The following TSHZ2 variants were observed in gnomAD, a reference collection of about 807,000 sequenced individuals.
The protein encoded by TSHZ2 is teashirt homolog 2.
In TSHZ2, 21 loss-of-function variants were observed where a neutral mutation model predicts 74.4. The ratio of observed to expected loss-of-function variants is 0.28; its 90% CI spans 0.20 to 0.41. The LOEUF is 0.41. Ranked by LOEUF, TSHZ2 falls within the 10% of genes least tolerant of loss-of-function variation. The probability of loss-of-function intolerance (pLI) is 1.00; values close to 1 mark genes in which losing one functional copy is unlikely to be tolerated. For missense variants in TSHZ2, 1,244 were observed against 1,293.5 expected, an observed-to-expected ratio of 0.96 and a Z score of 0.59; for synonymous variants, 540 against 515.3, an observed-to-expected ratio of 1.05 and a Z score of -0.65.
chr20:53,077,286 G>A (rs990104589), intron 1 of TSHZ2, among the ~76,000 whole-genome samples: 1 of 151,508 alleles, frequency 6.6e-6, no homozygotes, highest in African/African-American at 2.4e-5. Flanking sequence ...TGGCGTGTGC[G>A]TGTAATCCCA....
chr20:53,255,135 T>G lies in TSHZ2; in HGVS notation c.1677T>G (p.Pro559=). ...QLSEGTKPPL[P]MGSQVLQIRP... ...CTGAGGGCACCAAGCCGCCTTTGCC[T>G]ATGGGATCCCAGGTACTGCAGATCC... Residue 559 remains proline (P), a synonymous_variant, in exon 2 of 3, where the codon CCT becomes CCG. Transcript: ENST00000371497. This position sits in a 1 kb window ranked among gnomAD's most constrained non-coding sequence, Gnocchi z 4.1. 2.5e-6 allele frequency: 4 copies of G among 1,614,154 alleles called. No homozygotes were observed. Among genetic ancestry groups the G allele is most frequent in the Non-Finnish European group, 3.4e-6 (4 of 1,180,026 alleles).
intron 1 of TSHZ2, among the ~76,000 whole-genome samples, chr20:53,145,977 A>G (rs1266742044): frequency 6.6e-6 from 1 of 152,226 alleles, no homozygotes; most frequent in Non-Finnish European, 1.5e-5. Flanking sequence ...TTGGCTCACA[A>G]TACTAAAACG....
At chr20:53,146,835 C>G (rs987297850) in intron 1 of TSHZ2, among the ~76,000 whole-genome samples, 1 of 152,034 alleles carries the variant, frequency 6.6e-6, no homozygotes, top group Non-Finnish European at 1.5e-5. Context: ...GGTAGAGGAG[C>G]GAGGCGGGCG....
intron 2 of TSHZ2, among the ~76,000 whole-genome samples, chr20:53,390,992 A>G (rs1173496785): frequency 6.6e-6 from 1 of 152,234 alleles, no homozygotes; most frequent in African/African-American, 2.4e-5. Flanking sequence ...AGCCATAGAT[A>G]ATATATAAAC....
At chr20:52,988,503 T>C (rs1981857403) in intron 1 of TSHZ2, among the ~76,000 whole-genome samples, 2 of 151,796 alleles carry the variant, frequency 1.3e-5, no homozygotes, top group South Asian at 4.2e-4. Context: ...TAAATAAACT[T>C]CCACAATATA....
chr20:53,199,267 G>A (rs1304444380), intron 1 of TSHZ2, among the ~76,000 whole-genome samples: 2 of 152,172 alleles, frequency 1.3e-5, no homozygotes, highest in East Asian at 3.9e-4. Flanking sequence ...GGAGGCCGAG[G>A]CGGGTGGATT....
intron 2 of TSHZ2, among the ~76,000 whole-genome samples, chr20:53,374,581 T>C (rs1439733113): frequency 6.6e-6 from 1 of 152,196 alleles, no homozygotes; most frequent in Non-Finnish European, 1.5e-5. Flanking sequence ...CTTTCCACAA[T>C]GACTAATTTA....
chr20:53,018,409 T>G (rs1044788626), intron 1 of TSHZ2, among the ~76,000 whole-genome samples: 4 of 152,188 alleles, frequency 2.6e-5, no homozygotes, highest in African/African-American at 9.6e-5. Flanking sequence ...CCTGCTCCAC[T>G]GCTAGTCCTG....
At chr20:53,056,320 A>G (rs1324529395) in intron 1 of TSHZ2, among the ~76,000 whole-genome samples, 1 of 152,192 alleles carries the variant, frequency 6.6e-6, no homozygotes, top group Non-Finnish European at 1.5e-5. Context: ...TGGACCAACT[A>G]TATACACTGA....
At chr20:53,192,719 G>A (rs904626815) in intron 1 of TSHZ2, among the ~76,000 whole-genome samples, 3 of 152,200 alleles carry the variant, frequency 2.0e-5, no homozygotes, top group Admixed American at 1.3e-4. Flanking sequence ...TATTTATCTC[G>A]AGGTCTCTGG....
chr20:53,129,335 T>C (rs2123377534), intron 1 of TSHZ2, among the ~76,000 whole-genome samples: 1 of 152,278 alleles, frequency 6.6e-6, no homozygotes, highest in African/African-American at 2.4e-5. Flanking sequence ...TGTGATGTTT[T>C]GATCTAGGCA....
chr20:53,085,226 G>A (rs767311852), intron 1 of TSHZ2, among the ~76,000 whole-genome samples: 11 of 152,020 alleles, frequency 7.2e-5, no homozygotes, highest in Admixed American at 1.3e-4. Flanking sequence ...TCAGCCGGGC[G>A]TGGTGGCGGG....
At chr20:53,460,264 T>C (rs1985299049) in intron 2 of TSHZ2, among the ~76,000 whole-genome samples, 1 of 152,100 alleles carries the variant, frequency 6.6e-6, no homozygotes, top group South Asian at 2.1e-4. Flanking sequence ...TTCTTTTTAT[T>C]CTTTTTTCTC....
intron 1 of TSHZ2, among the ~76,000 whole-genome samples, chr20:53,123,547 T>C (rs1461167772): frequency 1.3e-5 from 2 of 152,160 alleles, no homozygotes; most frequent in Non-Finnish European, 2.9e-5. Context: ...CTTACATCAA[T>C]GGCTGAGGGT....
chr20:53,319,057 G>A (rs566323446), intron 2 of TSHZ2, among the ~76,000 whole-genome samples: 1 of 152,248 alleles, frequency 6.6e-6, no homozygotes, highest in African/African-American at 2.4e-5. Context: ...TCTCCCCCAT[G>A]ATTTAATTAC....
rs1324720405 is a variant in TSHZ2, at chr20:53,255,530, G to A, written c.2072G>A (p.Cys691Tyr). 3.2e-6 allele frequency: 5 copies of A among 1,586,888 alleles called. No homozygotes were observed. The highest frequency in any genetic ancestry group is 3.4e-4 in the Middle Eastern group (2 of 5,916). Residue 691 changes from cysteine to tyrosine, a missense_variant, in exon 2 of 3, where the codon TGC (cysteine) becomes TAC (tyrosine). Transcript: ENST00000371497. This position sits in a 1 kb window ranked among gnomAD's most constrained non-coding sequence, Gnocchi z 4.1. The part of the protein sequence containing the change: ...ALANHAPALP[C>Y]INPLSALQSV... The stretch of plus-strand genomic sequence containing the variant: ...GCCAACCACGCCCCGGCCCTGCCAT[G>A]CATCAACCCACTCAGCGCCCTGCAG...
chr20:53,050,545 G>A (rs538961845), intron 1 of TSHZ2, among the ~76,000 whole-genome samples: 64 of 152,320 alleles, frequency 4.2e-4, no homozygotes, highest in African/African-American at 1.5e-3. Flanking sequence ...GGGGCTGTGA[G>A]TCTAGATGGA....
At chr20:53,439,568 GTC>G (rs1309113376) in intron 2 of TSHZ2, among the ~76,000 whole-genome samples, 1 of 152,142 alleles carries the variant, frequency 6.6e-6, no homozygotes, top group Non-Finnish European at 1.5e-5. Flanking sequence ...GAACACTTGA[GTC>G]TCACAAATTA....
intron 1 of TSHZ2, among the ~76,000 whole-genome samples, chr20:53,209,437 G>C (rs1184301518): frequency 2.0e-5 from 3 of 152,188 alleles, no homozygotes; most frequent in Non-Finnish European, 4.4e-5. Context: ...ACTCTACTGT[G>C]CAGTGCAGAG....
Sources: gnomAD v4.1 joint callset for allele counts (sites outside exome capture counted in the v4.1 genomes callset) on GRCh38, gnomAD v4.1.1 for gene constraint, Gnocchi (gnomAD v3.1) non-coding constraint, MANE v1.5 for transcripts, NCBI Gene and HGNC (gene_info 2026-07-23, HGNC 2026-07-21) for gene names.